Variants in CFAP91 observed in about 807,000 individuals in gnomAD.
CFAP91 encodes cilia and flagella associated protein 91.
A neutral mutation model predicts 95.9 loss-of-function variants in CFAP91; 85 were observed. The observed-to-expected ratio is 0.89, with a 90% CI of 0.74 to 1.06. CFAP91 has a LOEUF of 1.06. CFAP91 is among the 50% of genes least tolerant of loss of function. The pLI is 0.00. For synonymous variants in CFAP91, 335 were observed against 327.5 expected (o/e 1.02, Z -0.25); for missense variants, 962 against 943.4 (o/e 1.02, Z -0.26).
intron 6 of CFAP91, among the ~76,000 whole-genome samples, chr3:119,719,964 G>A (rs1166559826): frequency 1.3e-5 from 2 of 151,854 alleles, no homozygotes; most frequent in African/African-American, 2.4e-5. Flanking sequence ...TTAGCCAGAC[G>A]TGGTGGTGGG....
At chr3:119,722,477 GA>G (rs946805535) in intron 6 of CFAP91, among the ~76,000 whole-genome samples, 1 of 151,814 alleles carries the variant, frequency 6.6e-6, no homozygotes, top group Non-Finnish European at 1.5e-5. Flanking sequence ...AAAAAATCTT[GA>G]AAAAAATTAC....
intron 8 of CFAP91, among the ~76,000 whole-genome samples, chr3:119,730,629 TG>T: frequency 6.6e-6 from 1 of 150,478 alleles, no homozygotes; most frequent in South Asian, 2.1e-4. Flanking sequence ...TGTGTGTGTG[TG>T]TGTGTGTGTG....
intron 16 of CFAP91, among the ~76,000 whole-genome samples, chr3:119,749,691 C>A (rs1032055278): frequency 6.6e-6 from 1 of 151,994 alleles, no homozygotes; most frequent in Non-Finnish European, 1.5e-5. Context: ...ATCAAAAAAG[C>A]CATATGAACA....
rs376518542 is a variant in CFAP91 at position 119,715,779 on chromosome 3, C to T, written c.682+36C>T. The T allele has an allele frequency of 3.1e-5, 49 of 1,584,744 alleles. No homozygotes were observed. The Middle Eastern group carries it at 1.2e-3, about 38-fold the overall frequency. On this transcript the variant is annotated intron_variant, in intron 6 of 17. Coordinates refer to ENST00000273390, the MANE Select transcript of CFAP91 (RefSeq NM_033364.4). ...AAATCTCCTGACTATTGGCAGATGACGATGCTGATAACCACGCATGCTGTT... is the reference window on the plus strand; with the variant it reads ...AAATCTCCTGACTATTGGCAGATGATGATGCTGATAACCACGCATGCTGTT...
intron 16 of CFAP91, chr3:119,749,057 T>C (rs1229370530): frequency 3.3e-5 from 5 of 152,224 alleles, no homozygotes; most frequent in African/African-American, 1.2e-4. Flanking sequence ...TATATTTCTG[T>C]GTCACATTAT....
chr3:119,750,978 A>T lies in CFAP91; in HGVS notation c.2185A>T (p.Ile729Phe), dbSNP rs779939004. ...QRKHILAAHQ[I>F]IHSYTESMVQ... is the part of the protein sequence containing the mutation. ...GAAACATATTCTTGCAGCCCATCAG[A>T]TCATCCACAGTTACACGGAAAGCAT... Residue 729 changes from isoleucine to phenylalanine, a missense_variant, in exon 17 of 18, where the codon ATC (isoleucine) becomes TTC (phenylalanine). Coordinates refer to ENST00000273390, the MANE Select transcript of CFAP91 (RefSeq NM_033364.4). The T allele has an allele frequency of 3.0e-5, 49 of 1,613,934 alleles. No individual in the cohort carries two copies. The highest frequency in any genetic ancestry group is 3.9e-5 in the Non-Finnish European group (46 of 1,179,928).
chr3:119,741,642 T>C (rs2054123024), intron 13 of CFAP91, among the ~76,000 whole-genome samples: 1 of 152,208 alleles, frequency 6.6e-6, no homozygotes, highest in Non-Finnish European at 1.5e-5. Context: ...TTTATTTTAC[T>C]CCCTCTCCCA....
At chr3:119,750,735 T>C (rs2054309451) in intron 16 of CFAP91, 2 of 565,472 alleles carry the variant, frequency 3.5e-6, no homozygotes, top group South Asian at 2.0e-5. Flanking sequence ...TGCTGAGGAG[T>C]GGAATGGAGG....
chr3:119,703,794 C>A (rs923816963), intron 1 of CFAP91, among the ~76,000 whole-genome samples: 1 of 152,124 alleles, frequency 6.6e-6, no homozygotes. Context: ...TCTCTCTCCA[C>A]GCTCCTTGAG....
intron 17 of CFAP91, among the ~76,000 whole-genome samples, chr3:119,764,676 G>A (rs556844090): frequency 2.0e-5 from 3 of 152,074 alleles, no homozygotes; most frequent in Non-Finnish European, 4.4e-5. Context: ...TTCTGGAAAG[G>A]TCAATAAGAA....
At chr3:119,727,648 A>G (rs1016964722) in intron 7 of CFAP91, among the ~76,000 whole-genome samples, 39 of 152,190 alleles carry the variant, frequency 2.6e-4, no homozygotes, top group Admixed American at 2.4e-3. Context: ...TGGACAAGGA[A>G]GGGACAAAAG....
chr3:119,733,477 T>C lies in CFAP91; in HGVS notation c.1315T>C (p.Leu439=), dbSNP rs139934309. 2.7e-5 allele frequency: 44 copies of C among 1,613,958 alleles called. No individual in the cohort carries two copies. In the South Asian group the frequency reaches 3.3e-4, roughly 12 times the overall value. Residue 439 remains leucine, a synonymous_variant, in exon 10 of 18, where the codon TTG becomes CTG. Transcript: ENST00000273390. ...KAGFLKRAAR[L]DYELAEVHKA... ...TGGTTTTCTGAAGAGGGCAGCAAGG[T>C]TGGACTATGAGTTGGCAGAGGTTCA... is the stretch of plus-strand genomic sequence containing the variant.
intron 17 of CFAP91, among the ~76,000 whole-genome samples, chr3:119,762,632 A>G (rs1413509206): frequency 6.6e-6 from 1 of 151,940 alleles, no homozygotes; most frequent in African/African-American, 2.4e-5. Context: ...ACACAGACCA[A>G]TGGAATGTAA....
rs1335526513 is a variant in CFAP91 at position 119,732,436 on chromosome 3, G to A, written c.1161G>A (p.Glu387=). The change falls in exon 9 of 18, where the codon GAG becomes GAA. Residue 387 remains glutamate, a synonymous_variant. Coordinates refer to ENST00000273390, the MANE Select transcript of CFAP91 (RefSeq NM_033364.4). ...RLGCFPDNNS[E]DFVVKNYYLN... is the part of the protein sequence containing the mutation. The stretch of plus-strand genomic sequence containing the variant: ...GGTGTTTCCCAGACAACAACTCAGA[G>A]GACTTTGTAGTAAAAAACTACTATC... The A allele has an allele frequency of 6.2e-7, 1 of 1,607,992 alleles. No individual in the cohort carries two copies. Among genetic ancestry groups the A allele is most frequent in the Non-Finnish European group, 8.5e-7 (1 of 1,178,298 alleles).
chr3:119,756,205 C>T (rs9289135), intron 17 of CFAP91, among the ~76,000 whole-genome samples: 5,266 of 152,028 alleles, frequency 0.035, 321 homozygotes, highest in African/African-American at 0.12. Flanking sequence ...CAGAGAAAAA[C>T]GATAAATTAC....
At chr3:119,707,085 G>T in intron 2 of CFAP91, 200 bp downstream of exon 2, 1 of 563,992 alleles carries the variant, frequency 1.8e-6, no homozygotes, top group Non-Finnish European at 3.2e-6. Flanking sequence ...ATAATGAACA[G>T]AGAACCCATA....
rs201993047 is a variant in CFAP91 at position 119,715,686 on chromosome 3, T to C, written c.625T>C (p.Tyr209His). Residue 209 changes from tyrosine to histidine, a missense_variant, in exon 6 of 18, where the codon TAT (tyrosine) becomes CAT (histidine). Tyr to His is a moderately conservative substitution (Grantham distance 83). Coordinates refer to ENST00000273390, the MANE Select transcript of CFAP91 (RefSeq NM_033364.4). The stretch of plus-strand genomic sequence containing the variant: ...TCAAACAGATCCATACTCTGCAGAA[T>C]ATGTAGTATGTCAGGACTCAATCCC... ...DVQTDPYSAE[Y>H]VVCQDSIPEL... 2 of 1,614,020 alleles carry C rather than the reference T, an allele frequency of 1.2e-6. No individual in the cohort carries two copies. Among genetic ancestry groups the C allele is most frequent in the Admixed American group, 1.7e-5 (1 of 60,024 alleles).
intron 11 of CFAP91, among the ~76,000 whole-genome samples, chr3:119,738,752 C>T (rs558799405): frequency 6.6e-6 from 1 of 152,118 alleles, no homozygotes; most frequent in Non-Finnish European, 1.5e-5. Context: ...CCTGCTTTTT[C>T]TGCTTTGGAC....
intron 12 of CFAP91, among the ~76,000 whole-genome samples, chr3:119,740,171 G>A (rs745429835): frequency 5.6e-4 from 85 of 152,134 alleles, no homozygotes; most frequent in Non-Finnish European, 5.1e-4. Flanking sequence ...TTACAAACCA[G>A]GGACAGATTT....
Sources: gnomAD v4.1 joint callset for allele counts (sites outside exome capture counted in the v4.1 genomes callset) on GRCh38, gnomAD v4.1.1 for gene constraint, MANE v1.5 for transcripts, NCBI Gene and HGNC (gene_info 2026-07-23, HGNC 2026-07-21) for gene names.